Variants in MARCHF10 observed in about 807,000 individuals in gnomAD.
MARCHF10 encodes the protein membrane associated ring-CH-type finger 10, also known as probable E3 ubiquitin-protein ligase MARCHF10.
In MARCHF10, 64 loss-of-function variants were observed where a neutral mutation model predicts 76.2. That is an observed-to-expected ratio of 0.84 (90% confidence interval 0.69 to 1.03). The LOEUF (loss-of-function observed/expected upper bound fraction) is 1.03, where lower values mean the gene tolerates loss of function less well. Among genes scored for constraint, MARCHF10 ranks in the 50% least tolerant of loss-of-function variants. The pLI is 0.00. For synonymous variants in MARCHF10, 340 were observed against 357.5 expected (o/e 0.95, Z 0.55); for missense variants, 875 against 958.0 (o/e 0.91, Z 1.14).
chr17:62,706,779 A>G (rs983629733), intron 9 of MARCHF10, among the ~76,000 whole-genome samples: 18 of 152,092 alleles, frequency 1.2e-4, no homozygotes, highest in African/African-American at 4.1e-4. Context: ...GATCGTTGTA[A>G]TAATCAGATA....
rs755810594 is a variant in MARCHF10, at chr17:62,737,269, C to G, written c.599G>C (p.Arg200Thr). The change falls in exon 6 of 11, where the codon AGA (arginine) becomes ACA (threonine). Residue 200 changes from arginine to threonine, a missense_variant. Coordinates refer to ENST00000311269, the MANE Select transcript of MARCHF10 (RefSeq NM_152598.4). Reference protein sequence around the residue: ...NTKLKRPNQERRNLVPSSQPM... With the variant: ...NTKLKRPNQETRNLVPSSQPM... ...CTGTGACGATGGGACCAAGTTTCTT[C>G]TCTCTTGATTTGGCCTCTTCAGCTT... 1 of 1,613,818 alleles carries G rather than the reference C, an allele frequency of 6.2e-7. No individual in the cohort carries two copies. Among genetic ancestry groups the G allele is most frequent in the Admixed American group, 1.7e-5 (1 of 59,908 alleles).
At chr17:62,789,739 A>C (rs1159000811) in intron 2 of MARCHF10, among the ~76,000 whole-genome samples, 3 of 152,242 alleles carry the variant, frequency 2.0e-5, no homozygotes, top group Non-Finnish European at 4.4e-5. Flanking sequence ...AGAGTTCGAG[A>C]CCAACCTGGC....
intron 6 of MARCHF10, 150 bp from the exon 7 acceptor site, chr17:62,725,254 C>T: frequency 1.6e-6 from 1 of 636,822 alleles, no homozygotes; most frequent in Non-Finnish European, 2.5e-6. Flanking sequence ...TTTTTGATAA[C>T]ACAGGCACAA....
intron 3 of MARCHF10, among the ~76,000 whole-genome samples, chr17:62,760,419 A>C (rs1265804703): frequency 6.6e-6 from 1 of 152,226 alleles, no homozygotes; most frequent in African/African-American, 2.4e-5. Context: ...TTTGACAATG[A>C]AAAGGAAATG....
At chr17:62,710,641 C>T (rs1226926354) in intron 9 of MARCHF10, among the ~76,000 whole-genome samples, 2 of 147,936 alleles carry the variant, frequency 1.4e-5, no homozygotes, top group Non-Finnish European at 3.0e-5. Context: ...TCATTGCAAC[C>T]TCTGTCTTCT....
Position 62,711,231 on chromosome 17 carries a change from C to G in MARCHF10, c.2328G>C (p.Arg776Ser), listed in dbSNP as rs751892910. Reference protein sequence around the residue: ...RLNHNQVERERLSRNYPQPRT... With the variant: ...RLNHNQVERESLSRNYPQPRT... Reference sequence around the variant, plus strand: ...AGCTCTGGGTCACAGCCAGACTTACCCTCTCTCTTTCCACCTGGTTGTGGT... The same window carrying G: ...AGCTCTGGGTCACAGCCAGACTTACGCTCTCTCTTTCCACCTGGTTGTGGT... Residue 776 changes from arginine (R) to serine (S), a missense_variant and splice_region_variant, in exon 9 of 11, where the codon AGG (arginine) becomes AGC (serine). Coordinates refer to ENST00000311269, the MANE Select transcript of MARCHF10 (RefSeq NM_152598.4). The surrounding 1 kb of genome is among the most constrained non-coding windows in gnomAD (Gnocchi z 4.4). The G allele has an allele frequency of 6.2e-7, 1 of 1,613,660 alleles. No homozygotes were observed. The highest frequency in any genetic ancestry group is 1.1e-5 in the South Asian group (1 of 91,060).
At chr17:62,751,055 C>G (rs8072298) in intron 4 of MARCHF10, among the ~76,000 whole-genome samples, 108,434 of 152,108 alleles carry the variant, frequency 0.71, 39,657 homozygotes, top group African/African-American at 0.89. Flanking sequence ...CGGGATCATG[C>G]GAAGGGAGAA....
intron 5 of MARCHF10, 89 bp downstream of exon 5, chr17:62,744,287 T>C (rs1410444468): frequency 7.3e-7 from 1 of 1,376,506 alleles, no homozygotes; most frequent in Admixed American, 2.2e-5. Context: ...AAAGTACAAG[T>C]ATCTAAAAAC....
At chr17:62,791,046 C>T (rs147640997) in intron 2 of MARCHF10, among the ~76,000 whole-genome samples, 6 of 152,294 alleles carry the variant, frequency 3.9e-5, no homozygotes, top group South Asian at 2.1e-4. Flanking sequence ...AAACACTGGA[C>T]TCTGTTTGTT....
At position 62,712,331 on chromosome 17, in the gene MARCHF10, G is replaced by A. The variant is rs950105803; in HGVS notation, c.2215-987C>T. On this transcript the variant is annotated intron_variant, in intron 8 of 10. Coordinates refer to ENST00000311269, the MANE Select transcript of MARCHF10 (RefSeq NM_152598.4). The surrounding 1 kb of genome is among the most constrained non-coding windows in gnomAD (Gnocchi z 4.2). ...TGTGACTCTGTCGGCCCAGGATAACGATGCGTGGGCATGAATGACACAGTG... is the reference window on the plus strand; with the variant it reads ...TGTGACTCTGTCGGCCCAGGATAACAATGCGTGGGCATGAATGACACAGTG... Among the ~76,000 whole-genome samples, 1 of 152,206 alleles carries A rather than the reference G, an allele frequency of 6.6e-6. No individual in the cohort carries two copies. The highest frequency in any genetic ancestry group is 2.4e-5 in the African/African-American group (1 of 41,462).
At position 62,711,230 on chromosome 17, in the gene MARCHF10, C is replaced by G. The variant is rs766070730; in HGVS notation, c.2328+1G>C. On this transcript the variant is annotated splice_donor_variant, in intron 9 of 10. Transcript: ENST00000311269. LOFTEE classifies it high-confidence loss of function. The surrounding 1 kb of genome is among the most constrained non-coding windows in gnomAD (Gnocchi z 4.4). The stretch of plus-strand genomic sequence containing the variant: ...CAGCTCTGGGTCACAGCCAGACTTA[C>G]CCTCTCTCTTTCCACCTGGTTGTGG... 9 of 1,613,538 alleles carry G rather than the reference C, an allele frequency of 5.6e-6. No individual in the cohort carries two copies. Among genetic ancestry groups the G allele is most frequent in the Non-Finnish European group, 5.9e-6 (7 of 1,179,598 alleles).
intron 6 of MARCHF10, among the ~76,000 whole-genome samples, chr17:62,728,570 T>C (rs2090871202): frequency 6.6e-6 from 1 of 151,938 alleles, no homozygotes; most frequent in Non-Finnish European, 1.5e-5. Flanking sequence ...CTAGAGGAAA[T>C]GAATTGTTTA....
chr17:62,715,561 G>A (rs1297883347), intron 8 of MARCHF10, among the ~76,000 whole-genome samples: 1 of 152,188 alleles, frequency 6.6e-6, no homozygotes, highest in African/African-American at 2.4e-5. Flanking sequence ...TATGAGTCCT[G>A]CTTCCAGGCG....
At chr17:62,728,088 A>C (rs2090848405) in intron 6 of MARCHF10, among the ~76,000 whole-genome samples, 1 of 152,210 alleles carries the variant, frequency 6.6e-6, no homozygotes, top group Non-Finnish European at 1.5e-5. Flanking sequence ...GCCCAGTGGC[A>C]ATCATAGCTC....
At chr17:62,737,382 T>G in intron 5 of MARCHF10, 50 bp from the exon 6 acceptor site, 1 of 1,558,686 alleles carries the variant, frequency 6.4e-7, no homozygotes, top group Non-Finnish European at 8.7e-7. Context: ...GGCCCATGGA[T>G]GAAAGGCCTC....
At position 62,705,346 on chromosome 17, in the gene MARCHF10, T is replaced by C. The variant is rs922342171; in HGVS notation, c.2371+193A>G. ...AGGATGAATTAAAATTCTTATCTGC[T>C]CTGCATCCAGTGAACTTGGCCTCGC... On this transcript the variant is annotated intron_variant, in intron 10 of 10. Coordinates refer to ENST00000311269, the MANE Select transcript of MARCHF10 (RefSeq NM_152598.4). 5 of 1,509,952 alleles carry C rather than the reference T, an allele frequency of 3.3e-6. No homozygotes were observed. In the African/African-American group the frequency reaches 5.7e-5, roughly 17 times the overall value. The allele number at this position is 1,509,952 out of a possible 1,614,324, so 93.5% of individuals were successfully genotyped here.
chr17:62,710,213 C>T (rs1195709728), intron 9 of MARCHF10, among the ~76,000 whole-genome samples: 1 of 152,054 alleles, frequency 6.6e-6, no homozygotes, highest in Non-Finnish European at 1.5e-5. Context: ...TGTATCAACC[C>T]CGGATGCTTT....
intron 10 of MARCHF10, 80 bp downstream of exon 10, chr17:62,705,459 C>T: frequency 6.2e-7 from 1 of 1,613,120 alleles, no homozygotes; most frequent in Admixed American, 1.7e-5. Flanking sequence ...CCTTCCATGG[C>T]ATTTGGTTCC....
At chr17:62,706,104 G>A (rs2089573115) in intron 9 of MARCHF10, 1 of 153,962 alleles carries the variant, frequency 6.5e-6, no homozygotes, top group Non-Finnish European at 1.4e-5. Flanking sequence ...AGGCTGCAAG[G>A]ATGTGGGCTC....
Sources: allele counts gnomAD v4.1 joint callset (sites outside exome capture counted in the v4.1 genomes callset), GRCh38; gene constraint gnomAD v4.1.1; non-coding constraint Gnocchi (gnomAD v3.1); transcripts MANE v1.5; gene names NCBI Gene and HGNC (gene_info 2026-07-23, HGNC 2026-07-21).